Variants in CD226 observed in about 807,000 individuals in gnomAD.
CD226 encodes the protein CD226 antigen.
In CD226, 24 loss-of-function variants were observed where a neutral mutation model predicts 34.9. The observed-to-expected ratio is 0.69, with a 90% CI of 0.50 to 0.97. CD226 has a LOEUF of 0.97. CD226 is among the 50% of genes least tolerant of loss of function. CD226 has a pLI of 0.00. For synonymous variants in CD226, 148 were observed against 147.4 expected (o/e 1.00, Z -0.03); for missense variants, 397 against 412.7 (o/e 0.96, Z 0.33).
In CD226 at chr18:69,869,470, A is replaced by G. The variant is rs536276478; in HGVS notation, c.831-2059T>C. Among the ~76,000 whole-genome samples, 12 of 152,276 alleles carry G rather than the reference A, an allele frequency of 7.9e-5. No individual in the cohort carries two copies. The East Asian group carries it at 2.3e-3, about 29-fold the overall frequency. ...CTAAATGATGAGAACACATGGACAC[A>G]TAGACGGGAACAACACACACTGGAG... On this transcript the variant is annotated intron_variant, in intron 4 of 5. Coordinates refer to ENST00000582621, the MANE Select transcript of CD226 (RefSeq NM_001303618.2).
At position 69,884,859 on chromosome 18, in the gene CD226, G is replaced by A. The variant is rs1048973232; in HGVS notation, c.727+10842C>T. On this transcript the variant is annotated intron_variant, in intron 3 of 5. Coordinates refer to ENST00000582621, the MANE Select transcript of CD226 (RefSeq NM_001303618.2). ...CTTTAGAGCATGTATGTAATGGGTT[G>A]TATCTACTTGGCTGTATGAGAGAGT... Among the ~76,000 whole-genome samples, 5 of 152,318 alleles carry A rather than the reference G, an allele frequency of 3.3e-5. No individual in the cohort carries two copies. In the South Asian group the frequency reaches 1.0e-3, roughly 32 times the overall value.
intron 2 of CD226, among the ~76,000 whole-genome samples, chr18:69,923,299 A>G (rs1408132220): frequency 1.3e-5 from 2 of 152,188 alleles, no homozygotes; most frequent in Non-Finnish European, 2.9e-5. Context: ...TGGCATCATA[A>G]TGTTGGAAGG....
chr18:69,905,001 G>C (rs1302631877), intron 2 of CD226, among the ~76,000 whole-genome samples: 1 of 152,206 alleles, frequency 6.6e-6, no homozygotes, highest in African/African-American at 2.4e-5. Flanking sequence ...TATTTTTAAA[G>C]TAAAATAATA....
chr18:69,868,797 G>GTGCA (rs1336279629), intron 4 of CD226, among the ~76,000 whole-genome samples: 9 of 105,340 alleles, frequency 8.5e-5, no homozygotes, highest in East Asian at 3.2e-4. Flanking sequence ...ACACGTGCGC[G>GTGCA]TGCACGCACA....
chr18:69,880,992 T>C (rs2145208775), intron 3 of CD226, among the ~76,000 whole-genome samples: 1 of 152,228 alleles, frequency 6.6e-6, no homozygotes, highest in African/African-American at 2.4e-5. Flanking sequence ...CTATAGTCAA[T>C]AATAATGTAT....
intron 3 of CD226, among the ~76,000 whole-genome samples, chr18:69,885,172 C>G (rs1194570885): frequency 6.6e-6 from 1 of 152,174 alleles, no homozygotes; most frequent in East Asian, 1.9e-4. Flanking sequence ...AACCTGGTGT[C>G]TGCAGGTTGC....
intron 2 of CD226, among the ~76,000 whole-genome samples, chr18:69,934,279 T>TACATACACACACAC (rs1555684029): frequency 0.01 from 746 of 73,204 alleles, 9 homozygotes; most frequent in African/African-American, 0.019. Context: ...ACACAGAGGA[T>TACATACACACACAC]ACACACACAC....
chr18:69,882,879 G>T (rs1280523977), intron 3 of CD226, among the ~76,000 whole-genome samples: 1 of 152,148 alleles, frequency 6.6e-6, no homozygotes, highest in African/African-American at 2.4e-5. Flanking sequence ...TGTTGCTCAG[G>T]CTGGGGTTGA....
rs1169828479 is a variant in CD226 at position 69,947,670 on chromosome 18, A to C, written c.-264T>G. On this transcript the variant is annotated 5_prime_UTR_variant, in exon 1 of 6. The change abolishes an upstream ATG in the 5' untranslated region. Coordinates refer to ENST00000582621, the MANE Select transcript of CD226 (RefSeq NM_001303618.2). ...GGGCTTTCATTTTCTACAAGGAGTC[A>C]TTCATTCAACAAACATGTGCTGCAT... 3.0e-6 allele frequency: 1 copy of C among 331,978 alleles called. No individual in the cohort carries two copies. Among genetic ancestry groups the C allele is most frequent in the East Asian group, 5.2e-5 (1 of 19,400 alleles). 20.6% of individuals were successfully genotyped at this position (331,978 alleles called of 1,614,324 possible).
upstream of CD226, among the ~76,000 whole-genome samples, chr18:69,958,280 C>G (rs971739366): frequency 6.6e-6 from 1 of 152,188 alleles, no homozygotes. Flanking sequence ...GGGCCCTTGA[C>G]CATGCCAGGT....
upstream of CD226, among the ~76,000 whole-genome samples, chr18:69,950,348 T>G (rs1019746796): frequency 6.6e-6 from 1 of 152,208 alleles, no homozygotes; most frequent in African/African-American, 2.4e-5. Flanking sequence ...CCTGCTCTTT[T>G]ACAGAAAAAC....
At chr18:69,922,009 A>G (rs1400009415) in intron 2 of CD226, among the ~76,000 whole-genome samples, 1 of 152,202 alleles carries the variant, frequency 6.6e-6, no homozygotes, top group Non-Finnish European at 1.5e-5. Flanking sequence ...CGTTATTACC[A>G]GTCACATCAA....
intron 4 of CD226, among the ~76,000 whole-genome samples, chr18:69,869,758 G>C (rs1048996756): frequency 2.6e-5 from 4 of 151,344 alleles, no homozygotes; most frequent in African/African-American, 9.7e-5. Context: ...GGTTTGCCTG[G>C]GACTAAGGAG....
chr18:69,859,030 C>T lies in CD226; in HGVS notation c.*5284G>A, dbSNP rs1568148826. On this transcript the variant is annotated 3_prime_UTR_variant, in exon 6 of 6. Transcript: ENST00000582621. Reference sequence around the variant, plus strand: ...TTACAACCAATACCCCCAACTTTTACAGACACAAAAGCAAACATAATAGAC... The same window carrying T: ...TTACAACCAATACCCCCAACTTTTATAGACACAAAAGCAAACATAATAGAC... The T allele has an allele frequency of 6.6e-6, 1 of 151,998 alleles. No homozygotes were observed. Among genetic ancestry groups the T allele is most frequent in the Non-Finnish European group, 1.5e-5 (1 of 68,004 alleles). 9.4% of individuals were successfully genotyped at this position (151,998 alleles called of 1,614,324 possible). A position where few individuals can be genotyped will look rare whatever the true frequency, so the allele number is the denominator to read the frequency against.
chr18:69,915,244 T>G (rs529005935), intron 2 of CD226, among the ~76,000 whole-genome samples: 1 of 152,222 alleles, frequency 6.6e-6, no homozygotes, highest in African/African-American at 2.4e-5. Flanking sequence ...AGTAAAAATA[T>G]GCAGAAATGC....
intron 2 of CD226, among the ~76,000 whole-genome samples, chr18:69,898,272 C>G (rs966416990): frequency 6.6e-6 from 1 of 152,142 alleles, no homozygotes; most frequent in Non-Finnish European, 1.5e-5. Context: ...TAAGAGGCAG[C>G]GTGAATGCGT....
At position 69,936,822 on chromosome 18, in the gene CD226, A is replaced by T. The variant is rs578141950; in HGVS notation, c.382+9912T>A. On this transcript the variant is annotated intron_variant, in intron 2 of 5. Coordinates refer to ENST00000582621, the MANE Select transcript of CD226 (RefSeq NM_001303618.2). ...GAGATACATATGATAGACAAAACTG[A>T]AAAAGGTCTACACAAGGACTAAGGA... 1.3e-3 allele frequency among the ~76,000 whole-genome samples: 195 copies of T among 152,354 alleles called. 4 individuals carry two copies. Among genetic ancestry groups the T allele is most frequent in the South Asian group, 0.013 (61 of 4,828 alleles).
intron 2 of CD226, among the ~76,000 whole-genome samples, chr18:69,913,085 T>C (rs1325988368): frequency 1.3e-5 from 2 of 152,130 alleles, no homozygotes; most frequent in African/African-American, 4.8e-5. Flanking sequence ...GATGGGCAGA[T>C]TCCTCTAGCA....
In CD226 at chr18:69,864,169, G is replaced by A. The variant is rs1364843613; in HGVS notation, c.*145C>T. On this transcript the variant is annotated 3_prime_UTR_variant, in exon 6 of 6. Transcript: ENST00000582621. ...ACAGTTCTATGAAAAATGATTTTAGGTAATGAAGTATTTTTCCTATCAAAG... is the reference window on the plus strand; with the variant it reads ...ACAGTTCTATGAAAAATGATTTTAGATAATGAAGTATTTTTCCTATCAAAG... 1 of 660,150 alleles carries A rather than the reference G, an allele frequency of 1.5e-6. No homozygotes were observed. Among genetic ancestry groups the A allele is most frequent in the Non-Finnish European group, 2.5e-6 (1 of 393,356 alleles). 40.9% of individuals were successfully genotyped at this position (660,150 alleles called of 1,614,324 possible).
Sources: allele counts gnomAD v4.1 joint callset (sites outside exome capture counted in the v4.1 genomes callset), GRCh38; gene constraint gnomAD v4.1.1; transcripts MANE v1.5; gene names NCBI Gene and HGNC (gene_info 2026-07-23, HGNC 2026-07-21).